The following CEP63 variants were observed in gnomAD, a reference collection of about 807,000 sequenced individuals.
CEP63 encodes the protein centrosomal protein 63, also known as centrosomal protein of 63 kDa.
A neutral mutation model predicts 89.1 loss-of-function variants in CEP63; 84 were observed. That is an observed-to-expected ratio of 0.94 (90% confidence interval 0.79 to 1.13). The LOEUF (loss-of-function observed/expected upper bound fraction) is 1.13, where lower values mean the gene tolerates loss of function less well. CEP63 is among the 50% of genes most tolerant of loss of function. The pLI, the probability that CEP63 is intolerant of heterozygous loss-of-function variation, is 0.00. For missense variants in CEP63, 838 were observed against 813.3 expected, an observed-to-expected ratio of 1.03 and a Z score of -0.37; for synonymous variants, 267 against 272.5, an observed-to-expected ratio of 0.98 and a Z score of 0.20.
chr3:134,779,811 G>A, the CEP63 span: 4 of 152,184 alleles, frequency 2.6e-5, no homozygotes, highest in Admixed American at 1.3e-4. Context: ...ATTACCTGAA[G>A]GACCGTGAGG....
At chr3:134,660,582 A>G in the CEP63 span, among the ~76,000 whole-genome samples, 5 of 152,300 alleles carry the variant, frequency 3.3e-5, no homozygotes, top group African/African-American at 1.2e-4. Flanking sequence ...ACTCACAAAC[A>G]TCTTTTTTTT....
At chr3:134,608,270 C>T in the CEP63 span, 1 of 1,202,300 alleles carries the variant, frequency 8.3e-7, no homozygotes, top group Non-Finnish European at 1.1e-6. Flanking sequence ...TAGTCCTTTT[C>T]CCTGCTATGT....
chr3:134,498,655 C>T (rs1355091282), intron 2 of CEP63, among the ~76,000 whole-genome samples: 1 of 152,148 alleles, frequency 6.6e-6, no homozygotes, highest in Non-Finnish European at 1.5e-5. Context: ...GAAGGGCTTT[C>T]AGCTTTTCCC....
intron 5 of CEP63, chr3:134,535,217 G>A (rs1302899533): frequency 2.0e-5 from 3 of 151,990 alleles, no homozygotes; most frequent in Admixed American, 1.3e-4. Flanking sequence ...TTGTCTCATT[G>A]TTCTTGTACC....
chr3:134,551,742 TATATATATATATAC>T lies in CEP63; in HGVS notation c.1381-182_1381-169del, dbSNP rs148237959. Among the ~76,000 whole-genome samples, 47,842 of 104,778 alleles carry T rather than the reference TATATATATATATAC, an allele frequency of 0.46. 8,656 individuals are homozygous for T. The highest frequency in any genetic ancestry group is 0.68 in the East Asian group (3,084 of 4,518). The allele number at this position is 104,778 out of a possible 152,430, so 68.7% of individuals were successfully genotyped here. A position where few individuals can be genotyped will look rare whatever the true frequency, so the allele number is the denominator to read the frequency against. On this transcript the variant is annotated intron_variant, in intron 11 of 14. Transcript: ENST00000675561. The stretch of plus-strand genomic sequence containing the variant: ...GAAAGTCCATATATATATATATATA[TATATATATATATAC>T]ACACACACACGTACATATATATATG...
intron 9 of CEP63, among the ~76,000 whole-genome samples, chr3:134,547,754 C>T (rs968132214): frequency 2.6e-5 from 4 of 151,642 alleles, no homozygotes; most frequent in Non-Finnish European, 4.4e-5. Flanking sequence ...AGATTACAGG[C>T]GTGCACCACC....
At chr3:134,668,774 C>A in the CEP63 span, among the ~76,000 whole-genome samples, 2 of 152,186 alleles carry the variant, frequency 1.3e-5, 1 homozygote, top group South Asian at 4.1e-4. Context: ...TTTCACTTTC[C>A]ATTTTTCCCT....
chr3:134,551,205 G>A (rs1373489581), intron 11 of CEP63, among the ~76,000 whole-genome samples: 1 of 152,158 alleles, frequency 6.6e-6, no homozygotes, highest in African/African-American at 2.4e-5. Flanking sequence ...CAGAAGGCCT[G>A]GAGTTGAAGA....
chr3:134,573,197 C>T (rs1350463187), intron 11 of CEP63, among the ~76,000 whole-genome samples: 2 of 151,998 alleles, frequency 1.3e-5, no homozygotes, highest in Non-Finnish European at 2.9e-5. Context: ...GATATGTTCT[C>T]CCATTTTGTT....
chr3:134,635,083 C>G, the CEP63 span, among the ~76,000 whole-genome samples: 3 of 152,336 alleles, frequency 2.0e-5, no homozygotes, highest in South Asian at 4.1e-4. Context: ...TATGTTCACA[C>G]AAAAACCTGT....
At chr3:134,583,148 T>C (rs1958402328) in intron 10 of CEP63, among the ~76,000 whole-genome samples, 1 of 152,224 alleles carries the variant, frequency 6.6e-6, no homozygotes, top group African/African-American at 2.4e-5. Flanking sequence ...ACTCTGATGG[T>C]AGTTTCTTTT....
chr3:134,650,172 A>G, the CEP63 span, among the ~76,000 whole-genome samples: 1 of 152,180 alleles, frequency 6.6e-6, no homozygotes, highest in Non-Finnish European at 1.5e-5. Context: ...TATTTTACCA[A>G]TCTACAACTT....
the CEP63 span, among the ~76,000 whole-genome samples, chr3:134,740,884 G>A: frequency 6.6e-6 from 1 of 152,136 alleles, no homozygotes; most frequent in Admixed American, 6.5e-5. Context: ...GTGTGTACAC[G>A]TAATTTAATA....
At chr3:134,527,345 T>A (rs1347337290) in intron 3 of CEP63, among the ~76,000 whole-genome samples, 2 of 152,072 alleles carry the variant, frequency 1.3e-5, no homozygotes, top group Non-Finnish European at 2.9e-5. Flanking sequence ...GAGTGGTTGC[T>A]CCATGCAGGG....
the CEP63 span, among the ~76,000 whole-genome samples, chr3:134,721,769 A>G: frequency 6.6e-6 from 1 of 152,124 alleles, no homozygotes; most frequent in South Asian, 2.1e-4. Flanking sequence ...GTGATGTCAT[A>G]TATTAGTTGA....
chr3:134,584,970 T>TTTGTTTTG (rs879916043), intron 10 of CEP63, among the ~76,000 whole-genome samples: 779 of 45,382 alleles, frequency 0.017, 27 homozygotes, highest in East Asian at 0.096. Context: ...TTTTTTTTTT[T>TTTGTTTTG]TTTTGCATGG....
chr3:134,782,478 T>C, the CEP63 span, among the ~76,000 whole-genome samples: 2 of 152,200 alleles, frequency 1.3e-5, no homozygotes, highest in Non-Finnish European at 2.9e-5. Flanking sequence ...TTTTCTACTG[T>C]TTTAAAGTTT....
At chr3:134,706,466 C>T in the CEP63 span, among the ~76,000 whole-genome samples, 18 of 152,142 alleles carry the variant, frequency 1.2e-4, no homozygotes, top group African/African-American at 4.3e-4. Context: ...TGGCAGGGGA[C>T]TGTTAACTCT....
chr3:134,681,540 G>T, the CEP63 span, among the ~76,000 whole-genome samples: 1 of 152,304 alleles, frequency 6.6e-6, no homozygotes, highest in Non-Finnish European at 1.5e-5. Flanking sequence ...TTAAACCAGA[G>T]CCTGCTCGAC....
Sources: gnomAD v4.1 joint callset for allele counts (sites outside exome capture counted in the v4.1 genomes callset) on GRCh38, gnomAD v4.1.1 for gene constraint, MANE v1.5 for transcripts, NCBI Gene and HGNC (gene_info 2026-07-23, HGNC 2026-07-21) for gene names.